Variants in FAM118B observed in about 807,000 individuals in gnomAD.
FAM118B encodes SIR2 antiphage like 1.
FAM118B carries 24 observed loss-of-function variants against 38.5 expected under a neutral mutation model. The observed-to-expected ratio is 0.62, with a 90% CI of 0.45 to 0.88. The LOEUF is 0.88. FAM118B is among the 40% of genes least tolerant of loss of function. FAM118B has a pLI of 0.00. For synonymous variants in FAM118B, 138 were observed against 156.3 expected (o/e 0.88, Z 0.87); for missense variants, 334 against 420.0 (o/e 0.80, Z 1.79).
At chr11:126,225,700 G>C (rs763122042) in intron 1 of FAM118B, among the ~76,000 whole-genome samples, 3 of 152,168 alleles carry the variant, frequency 2.0e-5, no homozygotes, top group Non-Finnish European at 4.4e-5. Context: ...AGGTTGGAGT[G>C]AAGTAAGATT....
intron 3 of FAM118B, among the ~76,000 whole-genome samples, chr11:126,238,249 C>T (rs1433313624): frequency 1.3e-5 from 2 of 152,054 alleles, no homozygotes; most frequent in African/African-American, 2.4e-5. Context: ...GTAATCCCAG[C>T]TACTCGGGAG....
chr11:126,216,009 T>C (rs930930103), intron 1 of FAM118B, among the ~76,000 whole-genome samples: 1 of 151,120 alleles, frequency 6.6e-6, no homozygotes, highest in Non-Finnish European at 1.5e-5. Flanking sequence ...GACAGACCCA[T>C]CTCAAAAAAG....
At chr11:126,227,447 A>G (rs1019767466) in intron 1 of FAM118B, among the ~76,000 whole-genome samples, 2 of 152,176 alleles carry the variant, frequency 1.3e-5, no homozygotes, top group African/African-American at 4.8e-5. Context: ...GTTTTTATTC[A>G]GTTATTTTTA....
chr11:126,261,140 A>T (rs1249582281), intron 7 of FAM118B: 6 of 362,852 alleles, frequency 1.7e-5, no homozygotes, highest in Non-Finnish European at 2.5e-5. Context: ...CAGCAGACAC[A>T]TGTTGCCTGT....
At chr11:126,246,524 T>A (rs1200840434) in intron 4 of FAM118B, among the ~76,000 whole-genome samples, 1 of 152,234 alleles carries the variant, frequency 6.6e-6, no homozygotes, top group Non-Finnish European at 1.5e-5. Context: ...TGAGATAATG[T>A]GTATAAAATG....
chr11:126,254,473 CT>C, intron 6 of FAM118B, 40 bp downstream of exon 6: 6 of 1,609,544 alleles, frequency 3.7e-6, no homozygotes, highest in Non-Finnish European at 5.1e-6. Flanking sequence ...GAACTCCTTC[CT>C]GGGAAATCTC....
intron 1 of FAM118B, among the ~76,000 whole-genome samples, chr11:126,226,696 T>C (rs1950146439): frequency 6.6e-6 from 1 of 152,188 alleles, no homozygotes; most frequent in African/African-American, 2.4e-5. Context: ...GAACCCAGCA[T>C]TGGCCAGGTG....
chr11:126,261,539 G>A, intron 8 of FAM118B, 55 bp downstream of exon 8: 1 of 1,452,414 alleles, frequency 6.9e-7, no homozygotes, highest in South Asian at 1.1e-5. Context: ...GTCTTTCTAG[G>A]TCCTTGGTTA....
chr11:126,222,770 C>T (rs535135932), intron 1 of FAM118B, among the ~76,000 whole-genome samples: 2 of 152,276 alleles, frequency 1.3e-5, no homozygotes, highest in Admixed American at 1.3e-4. Flanking sequence ...ACACTCATTC[C>T]ATCAGCGAAT....
Position 126,244,479 on chromosome 11 carries a change from T to G in FAM118B, c.339+3435T>G, listed in dbSNP as rs1950396699. Among the ~76,000 whole-genome samples the G allele has an allele frequency of 6.6e-6, 1 of 152,218 alleles. No homozygotes were observed. Among genetic ancestry groups the G allele is most frequent in the Non-Finnish European group, 1.5e-5 (1 of 68,044 alleles). On this transcript the variant is annotated intron_variant, in intron 4 of 8. Coordinates refer to ENST00000533050, the MANE Select transcript of FAM118B (RefSeq NM_024556.4). This position sits in a 1 kb window ranked among gnomAD's most constrained non-coding sequence, Gnocchi z 4.5. The stretch of plus-strand genomic sequence containing the variant: ...AAATTCTTCCACTTGGCATCAAAAA[T>G]AGTAAAATAGCTAGGAATAAATTTA...
intron 1 of FAM118B, among the ~76,000 whole-genome samples, chr11:126,221,874 G>A (rs753826231): frequency 6.6e-6 from 1 of 152,070 alleles, no homozygotes; most frequent in Non-Finnish European, 1.5e-5. Context: ...TTTGCCATAA[G>A]GGTATTTATC....
Position 126,234,911 on chromosome 11 carries a change from T to A in FAM118B, c.-7-84T>A, listed in dbSNP as rs1285269143. 4 of 1,125,250 alleles carry A rather than the reference T, an allele frequency of 3.6e-6. No homozygotes were observed. The Admixed American group carries it at 9.4e-5, about 27-fold the overall frequency. 69.7% of individuals were successfully genotyped at this position (1,125,250 alleles called of 1,614,324 possible). On this transcript the variant is annotated intron_variant, in intron 2 of 8. Coordinates refer to ENST00000533050, the MANE Select transcript of FAM118B (RefSeq NM_024556.4). Reference sequence around the variant, plus strand: ...AAACACCTTTAAGGGTATACAGCTTTTTTAAACTGTTTAATATATGTGCTA... The same window carrying A: ...AAACACCTTTAAGGGTATACAGCTTATTTAAACTGTTTAATATATGTGCTA...
intron 1 of FAM118B, among the ~76,000 whole-genome samples, chr11:126,226,116 G>T (rs1232605918): frequency 1.3e-5 from 2 of 151,516 alleles, no homozygotes; most frequent in African/African-American, 4.9e-5. Flanking sequence ...AGAAAGGAAC[G>T]TGGCGCAAGT....
intron 6 of FAM118B, 135 bp downstream of exon 6, chr11:126,254,568 C>G: frequency 8.3e-7 from 1 of 1,202,256 alleles, no homozygotes. Context: ...AGCAGTGGCT[C>G]ATGCCTATAA....
intron 4 of FAM118B, among the ~76,000 whole-genome samples, chr11:126,248,614 C>G (rs1214763953): frequency 1.3e-5 from 2 of 152,092 alleles, no homozygotes; most frequent in African/African-American, 2.4e-5. Flanking sequence ...TCGTGATCCA[C>G]CCGCCTTGGC....
At chr11:126,259,570 C>G (rs183926559) in intron 7 of FAM118B, among the ~76,000 whole-genome samples, 2 of 151,706 alleles carry the variant, frequency 1.3e-5, no homozygotes, top group Non-Finnish European at 2.9e-5. Context: ...GAACTATAGG[C>G]GCCCACCACC....
At chr11:126,240,647 G>A (rs745664096) in intron 3 of FAM118B, 145 bp from the exon 4 acceptor site, 2 of 766,758 alleles carry the variant, frequency 2.6e-6, no homozygotes, top group Non-Finnish European at 4.1e-6. Flanking sequence ...TCTTTAAACT[G>A]CTTTGGAAAG....
intron 1 of FAM118B, among the ~76,000 whole-genome samples, chr11:126,225,825 C>G (rs180677205): frequency 6.6e-6 from 1 of 152,000 alleles, no homozygotes; most frequent in Non-Finnish European, 1.5e-5. Context: ...ACTAAAAATA[C>G]AAAAATTAGC....
intron 7 of FAM118B, among the ~76,000 whole-genome samples, chr11:126,257,796 T>C (rs1457167776): frequency 6.6e-6 from 1 of 152,190 alleles, no homozygotes; most frequent in African/African-American, 2.4e-5. Flanking sequence ...ATAATGGTGA[T>C]ATTCAAGTCA....
Sources: gnomAD v4.1 joint callset for allele counts (sites outside exome capture counted in the v4.1 genomes callset) on GRCh38, gnomAD v4.1.1 for gene constraint, Gnocchi (gnomAD v3.1) non-coding constraint, MANE v1.5 for transcripts, NCBI Gene and HGNC (gene_info 2026-07-23, HGNC 2026-07-21) for gene names.